Variants in FRMD4A observed in about 807,000 individuals in gnomAD.
FRMD4A encodes FERM domain containing 4A.
Under a neutral mutation model 129.1 loss-of-function variants are expected in FRMD4A, and 29 were observed. The ratio of observed to expected loss-of-function variants is 0.22; its 90% CI spans 0.17 to 0.31. FRMD4A has a LOEUF of 0.31. FRMD4A is among the 10% of genes least tolerant of loss of function. The pLI is 1.00. For missense variants in FRMD4A, 1,272 were observed against 1,375.8 expected (o/e 0.92, Z 1.19); for synonymous variants, 634 against 571.6 (o/e 1.11, Z -1.56).
intron 2 of FRMD4A, among the ~76,000 whole-genome samples, chr10:14,236,681 T>G (rs1184918342): frequency 6.6e-6 from 1 of 152,186 alleles, no homozygotes; most frequent in Non-Finnish European, 1.5e-5. Context: ...CCTGCTCGGG[T>G]GTCATACTGC....
intron 2 of FRMD4A, among the ~76,000 whole-genome samples, chr10:14,009,770 G>A (rs1298189794): frequency 6.6e-6 from 1 of 150,986 alleles, no homozygotes; most frequent in Non-Finnish European, 1.5e-5. Flanking sequence ...TTCGTAATTG[G>A]TTCCATGTGT....
rs754487399 is a variant in FRMD4A at position 13,856,116 on chromosome 10, C to T, written c.111+2731G>A. Among the ~76,000 whole-genome samples the T allele has an allele frequency of 2.6e-5, 4 of 151,530 alleles. No homozygotes were observed. The East Asian group carries it at 7.7e-4, about 29-fold the overall frequency. Reference sequence around the variant, plus strand: ...CTAGATAAATAGTGCGTGTATCTATCTATGTATAGGTAGTGTGTATATCTC... The same window carrying T: ...CTAGATAAATAGTGCGTGTATCTATTTATGTATAGGTAGTGTGTATATCTC... On this transcript the variant is annotated intron_variant, in intron 3 of 24. Coordinates refer to ENST00000357447, the MANE Select transcript of FRMD4A (RefSeq NM_018027.5).
chr10:14,143,797 A>G (rs1839951448), intron 2 of FRMD4A, among the ~76,000 whole-genome samples: 1 of 152,000 alleles, frequency 6.6e-6, no homozygotes, highest in Admixed American at 6.6e-5. Context: ...GTATGTTTGT[A>G]GAGATGGGGT....
intron 24 of FRMD4A, chr10:13,651,682 C>A: frequency 1.8e-6 from 1 of 553,536 alleles, no homozygotes; most frequent in Non-Finnish European, 3.2e-6. Flanking sequence ...CAAAACAAAA[C>A]ATACTCTGGG....
At chr10:14,194,468 G>A (rs1842413416) in intron 2 of FRMD4A, among the ~76,000 whole-genome samples, 2 of 152,120 alleles carry the variant, frequency 1.3e-5, no homozygotes, top group Admixed American at 6.6e-5. Context: ...AAAATTAGCC[G>A]GGCGTGGTGG....
intron 12 of FRMD4A, among the ~76,000 whole-genome samples, chr10:13,714,199 A>T (rs1589509266): frequency 6.7e-6 from 1 of 149,796 alleles, no homozygotes; most frequent in African/African-American, 2.5e-5. Context: ...AGTAGCTGGG[A>T]TTACAGGCTC....
intron 2 of FRMD4A, among the ~76,000 whole-genome samples, chr10:14,026,485 C>T (rs1053608966): frequency 6.6e-6 from 1 of 152,140 alleles, no homozygotes; most frequent in East Asian, 1.9e-4. Context: ...TGTTTTCAGG[C>T]CTCTAATGGA....
intron 15 of FRMD4A, among the ~76,000 whole-genome samples, chr10:13,682,002 T>C (rs1032527518): frequency 1.3e-5 from 2 of 152,094 alleles, no homozygotes; most frequent in South Asian, 4.2e-4. Flanking sequence ...GGAGGACTGC[T>C]TGAGGCCAAG....
chr10:13,992,817 G>A (rs11258782), intron 2 of FRMD4A, among the ~76,000 whole-genome samples: 43,460 of 151,658 alleles, frequency 0.29, 7,372 homozygotes, highest in East Asian at 0.73. Flanking sequence ...GCCAGGCATG[G>A]TGGCGCATGC....
intron 15 of FRMD4A, among the ~76,000 whole-genome samples, chr10:13,689,138 A>T (rs563701325): frequency 6.9e-6 from 1 of 144,572 alleles, no homozygotes; most frequent in African/African-American, 2.5e-5. Flanking sequence ...AAAGTTACTA[A>T]TAGTTTAGAA....
chr10:13,660,816 A>G (rs1480361526), intron 19 of FRMD4A, among the ~76,000 whole-genome samples: 6 of 152,210 alleles, frequency 3.9e-5, no homozygotes. Context: ...ACACGAATGG[A>G]GTGAAGTCTG....
intron 13 of FRMD4A, among the ~76,000 whole-genome samples, chr10:13,702,116 G>T (rs1346696320): frequency 1.3e-5 from 2 of 152,112 alleles, no homozygotes; most frequent in Non-Finnish European, 2.9e-5. Context: ...CTGTCACCCA[G>T]GCTGGAGCGT....
chr10:13,722,494 C>T (rs1201017804), intron 12 of FRMD4A, among the ~76,000 whole-genome samples: 3 of 151,676 alleles, frequency 2.0e-5, no homozygotes, highest in Non-Finnish European at 4.4e-5. Context: ...AATCCTCCCG[C>T]CTCAATCTCC....
intron 6 of FRMD4A, among the ~76,000 whole-genome samples, chr10:13,778,537 G>C (rs1314725804): frequency 6.6e-6 from 1 of 152,020 alleles, no homozygotes; most frequent in Non-Finnish European, 1.5e-5. Context: ...GAACTATTCT[G>C]TGCAGTGAAT....
chr10:13,946,853 T>G (rs1293462517), intron 2 of FRMD4A, among the ~76,000 whole-genome samples: 2 of 152,190 alleles, frequency 1.3e-5, no homozygotes, highest in Non-Finnish European at 2.9e-5. Context: ...CTGAGTGCTG[T>G]GAGCTGGCCA....
At position 14,147,601 on chromosome 10, in the gene FRMD4A, T is replaced by C. The variant is rs12570849; in HGVS notation, c.45+182457A>G. Among the ~76,000 whole-genome samples the C allele has an allele frequency of 2.4e-3, 370 of 152,220 alleles. 13 individuals carry two copies. In the East Asian group the frequency reaches 0.058, roughly 24 times the overall value. On this transcript the variant is annotated intron_variant, in intron 2 of 24. Transcript: ENST00000357447. ...GAAACAGTGGTGGTTCATAAGGCAT[T>C]AGATTCTCATAAGGAACGTGCGACC...
chr10:13,805,388 TTTCTTTC>T (rs1351802789), intron 4 of FRMD4A, among the ~76,000 whole-genome samples: 2 of 152,036 alleles, frequency 1.3e-5, no homozygotes, highest in East Asian at 3.8e-4. Context: ...CCAAGTTTCT[TTTCTTTC>T]TTCCTCATAT....
intron 2 of FRMD4A, among the ~76,000 whole-genome samples, chr10:14,035,424 A>G (rs1051100125): frequency 3.1e-5 from 4 of 129,454 alleles, no homozygotes; most frequent in African/African-American, 1.0e-4. Context: ...AAACAAACAA[A>G]TAAACAAAAA....
At position 14,294,418 on chromosome 10, in the gene FRMD4A, T is replaced by C. The variant is rs533021639; in HGVS notation, c.45+35640A>G. 1.8e-4 allele frequency among the ~76,000 whole-genome samples: 28 copies of C among 152,328 alleles called. No individual in the cohort carries two copies. In the South Asian group the frequency reaches 2.5e-3, roughly 14 times the overall value. On this transcript the variant is annotated intron_variant, in intron 2 of 24. Transcript: ENST00000357447. Reference sequence around the variant, plus strand: ...CCACGTTCACAAGGCTTGACATAGATACAATAATAAGGCCATATGGCTTTG... The same window carrying C: ...CCACGTTCACAAGGCTTGACATAGACACAATAATAAGGCCATATGGCTTTG...
Sources: gnomAD v4.1 joint callset for allele counts (sites outside exome capture counted in the v4.1 genomes callset) on GRCh38, gnomAD v4.1.1 for gene constraint, MANE v1.5 for transcripts, NCBI Gene and HGNC (gene_info 2026-07-23, HGNC 2026-07-21) for gene names.